Variants in MX2 observed in about 807,000 individuals in gnomAD.
The protein encoded by MX2 is interferon-induced GTP-binding protein Mx2.
MX2 carries 51 observed loss-of-function variants against 74.0 expected under a neutral mutation model. The observed-to-expected ratio is 0.69, with a 90% CI of 0.55 to 0.87. The LOEUF is 0.87. Among genes scored for constraint, MX2 ranks in the 40% least tolerant of loss-of-function variants. The pLI, the probability that MX2 is intolerant of heterozygous loss-of-function variation, is 0.00. For synonymous variants in MX2, 369 were observed against 339.3 expected (o/e 1.09, Z -0.96); for missense variants, 832 against 908.7 (o/e 0.92, Z 1.09).
intron 13 of MX2, among the ~76,000 whole-genome samples, chr21:41,407,645 G>A (rs901846161): frequency 1.3e-5 from 2 of 152,342 alleles, no homozygotes; most frequent in Middle Eastern, 3.4e-3. Context: ...ATGAGGGGAG[G>A]ATTCGAAACG....
In MX2 at chr21:41,380,002, G is replaced by T. The variant is rs186292345; in HGVS notation, c.443-15G>T. 4.3e-4 allele frequency: 691 copies of T among 1,613,268 alleles called. 6 individuals carry two copies. In the African/African-American group the frequency reaches 7.9e-3, roughly 19 times the overall value. ...TAAAAGGAAACTGAGGATATTTGGG[G>T]AACCTCTCGCTCAGGAATCGTAACC... On this transcript the variant is annotated splice_polypyrimidine_tract_variant and intron_variant, in intron 3 of 13. Coordinates refer to ENST00000330714, the MANE Select transcript of MX2 (RefSeq NM_002463.2). The surrounding 1 kb of genome is among the most constrained non-coding windows in gnomAD (Gnocchi z 4.3).
intron 4 of MX2, among the ~76,000 whole-genome samples, chr21:41,381,966 T>G (rs1465751391): frequency 2.6e-5 from 4 of 152,126 alleles, no homozygotes; most frequent in Non-Finnish European, 4.4e-5. Context: ...CATGATGCAT[T>G]TAGGAACTAG....
chr21:41,407,125 T>C, intron 13 of MX2, 127 bp downstream of exon 13: 1 of 940,144 alleles, frequency 1.1e-6, no homozygotes, highest in Non-Finnish European at 1.5e-6. Context: ...TAAGCCCTTC[T>C]GTATTATGAT....
At chr21:41,406,082 A>G (rs2089882146) in intron 12 of MX2, among the ~76,000 whole-genome samples, 1 of 152,030 alleles carries the variant, frequency 6.6e-6, no homozygotes, top group Admixed American at 6.5e-5. Flanking sequence ...TCTGCCTCCC[A>G]GGTTCAAGCC....
At chr21:41,399,165 G>T (rs370472968) in intron 9 of MX2, 31 bp from the exon 10 acceptor site, 1 of 1,609,100 alleles carries the variant, frequency 6.2e-7, no homozygotes, top group South Asian at 1.1e-5. Flanking sequence ...TATGATTTCC[G>T]CAAAGACTAT....
chr21:41,403,446 G>A, intron 12 of MX2, 103 bp downstream of exon 12: 1 of 1,068,976 alleles, frequency 9.4e-7, no homozygotes, highest in Non-Finnish European at 1.5e-6. Context: ...GGCCAGGGAT[G>A]TAATGGCAGG....
At chr21:41,383,829 C>T (rs1471285022) in intron 5 of MX2, among the ~76,000 whole-genome samples, 1 of 152,120 alleles carries the variant, frequency 6.6e-6, no homozygotes, top group Non-Finnish European at 1.5e-5. Context: ...TGATGAATTC[C>T]ATATTTCTTA....
At position 41,408,469 on chromosome 21, in the gene MX2, C is replaced by T. The variant is rs961298101; in HGVS notation, c.*236C>T. 5.3e-6 allele frequency: 3 copies of T among 567,416 alleles called. No homozygotes were observed. Among genetic ancestry groups the T allele is most frequent in the South Asian group, 2.3e-5 (1 of 44,022 alleles). 35.1% of individuals were successfully genotyped at this position (567,416 alleles called of 1,614,324 possible). ...GGATGGCTCTCCAGTCCTTGGGTCC[C>T]GTAGCACACAGTTACAGTGTCCTAA... On this transcript the variant is annotated 3_prime_UTR_variant, in exon 14 of 14. Coordinates refer to ENST00000330714, the MANE Select transcript of MX2 (RefSeq NM_002463.2).
Position 41,377,909 on chromosome 21 carries a change from A to G in MX2, c.370A>G (p.Ile124Val), listed in dbSNP as rs1300552642. 1 of 1,614,080 alleles carries G rather than the reference A, an allele frequency of 6.2e-7. No individual in the cohort carries two copies. Among genetic ancestry groups the G allele is most frequent in the South Asian group, 1.1e-5 (1 of 91,094 alleles). Reference protein sequence around the residue: ...QDLALPAIAVIGDQSSGKSSV... With the variant: ...QDLALPAIAVVGDQSSGKSSV... Reference sequence around the variant, plus strand: ...CCTGGCCCTGCCAGCCATCGCCGTCATCGGGGACCAGAGCTCGGGCAAGAG... The same window carrying G: ...CCTGGCCCTGCCAGCCATCGCCGTCGTCGGGGACCAGAGCTCGGGCAAGAG... The change falls in exon 3 of 14, where the codon ATC (isoleucine) becomes GTC (valine). Residue 124 changes from isoleucine (I) to valine (V), a missense_variant. Transcript: ENST00000330714.
rs530920043 is a variant in MX2, at chr21:41,408,239, G to T, written c.*6G>T. On this transcript the variant is annotated 3_prime_UTR_variant, in exon 14 of 14. Transcript: ENST00000330714. ...CCAGCAAAGAGATCCACTGAAGGGCGGCGATGCCTGTGGTTGTTTTCTTGT... is the reference window on the plus strand; with the variant it reads ...CCAGCAAAGAGATCCACTGAAGGGCTGCGATGCCTGTGGTTGTTTTCTTGT... The T allele has an allele frequency of 6.2e-7, 1 of 1,613,156 alleles. No homozygotes were observed. The highest frequency in any genetic ancestry group is 1.1e-5 in the South Asian group (1 of 91,038).
At chr21:41,372,748 C>T (rs1343624056) in intron 1 of MX2, among the ~76,000 whole-genome samples, 1 of 152,148 alleles carries the variant, frequency 6.6e-6, no homozygotes, top group Admixed American at 6.6e-5. Flanking sequence ...TCCAAATGCC[C>T]ATCTTATCTA....
At position 41,379,497 on chromosome 21, in the gene MX2, C is replaced by CA. The variant is rs550321875; in HGVS notation, c.443-519dup. Among the ~76,000 whole-genome samples, 55 of 152,302 alleles carry CA rather than the reference C, an allele frequency of 3.6e-4. No homozygotes were observed. In the South Asian group the frequency reaches 0.011, roughly 30 times the overall value. On this transcript the variant is annotated intron_variant, in intron 3 of 13. Transcript: ENST00000330714. ...TCCGGCTTCTCCTCCAGGCTTTCAC[C>CA]ACCTTCTTCCCACTCCTTGAGAGGG...
At chr21:41,407,055 G>A (rs1318626574) in intron 13 of MX2, 57 bp downstream of exon 13, 1 of 1,568,238 alleles carries the variant, frequency 6.4e-7, no homozygotes, top group Non-Finnish European at 8.7e-7. Flanking sequence ...GCTGAGTAGG[G>A]GCTATGCTAA....
At chr21:41,401,754 A>G in intron 10 of MX2, 1 of 483,172 alleles carries the variant, frequency 2.1e-6, no homozygotes, top group Non-Finnish European at 3.6e-6. Flanking sequence ...CAATTGAAAC[A>G]CATTTTCATA....
Position 41,408,098 on chromosome 21 carries a change from A to G in MX2, c.2013A>G (p.Glu671=). 6.2e-7 allele frequency: 1 copy of G among 1,614,218 alleles called. No homozygotes were observed. The stretch of plus-strand genomic sequence containing the variant: ...AAGCCATGATGCAGATACTACAGGA[A>G]AAAAATCGCTATTCCTGGCTGCTTC... ...LQKAMMQILQ[E]KNRYSWLLQE... Residue 671 remains glutamate (E), a synonymous_variant, in exon 14 of 14, where the codon GAA becomes GAG. Coordinates refer to ENST00000330714, the MANE Select transcript of MX2 (RefSeq NM_002463.2).
chr21:41,381,530 A>C lies in MX2; in HGVS notation c.578-880A>C, dbSNP rs568465146. 7.2e-5 allele frequency among the ~76,000 whole-genome samples: 11 copies of C among 152,152 alleles called. No homozygotes were observed. The East Asian group carries it at 9.7e-4, about 13-fold the overall frequency. The stretch of plus-strand genomic sequence containing the variant: ...GAAACCCCGTCTCTTCTAAAAATAC[A>C]AAAAATTAGCCGGGCGCAGTGGCAG... On this transcript the variant is annotated intron_variant, in intron 4 of 13. Transcript: ENST00000330714.
At position 41,381,548 on chromosome 21, in the gene MX2, A is replaced by G. The variant is rs185091531; in HGVS notation, c.578-862A>G. Among the ~76,000 whole-genome samples the G allele has an allele frequency of 7.2e-3, 1,096 of 152,134 alleles. 18 individuals carry two copies. Among genetic ancestry groups the G allele is most frequent in the African/African-American group, 0.025 (1,034 of 41,486 alleles). ...AAAATACAAAAAATTAGCCGGGCGC[A>G]GTGGCAGGCACCTGTAGTCCCAGCT... On this transcript the variant is annotated intron_variant, in intron 4 of 13. Transcript: ENST00000330714.
At chr21:41,377,642 AAGC>A in intron 2 of MX2, 144 bp from the exon 3 acceptor site, 1 of 790,758 alleles carries the variant, frequency 1.3e-6, no homozygotes, top group African/African-American at 1.7e-5. Flanking sequence ...GGGCCCCTGA[AAGC>A]AGCAGCACCC....
At chr21:41,393,128 A>AAAAAAAG (rs2089685157) in intron 6 of MX2, among the ~76,000 whole-genome samples, 1 of 139,936 alleles carries the variant, frequency 7.1e-6, no homozygotes, top group African/African-American at 3.0e-5. Flanking sequence ...AAAAAAAAAA[A>AAAAAAAG]AAAGAAAGAA....
Sources: allele counts gnomAD v4.1 joint callset (sites outside exome capture counted in the v4.1 genomes callset), GRCh38; gene constraint gnomAD v4.1.1; non-coding constraint Gnocchi (gnomAD v3.1); transcripts MANE v1.5; gene names NCBI Gene and HGNC (gene_info 2026-07-23, HGNC 2026-07-21).